USP25: variants seen among roughly 807,000 people sequenced by gnomAD.
USP25 encodes ubiquitin specific peptidase 25, also known as ubiquitin carboxyl-terminal hydrolase 25.
A neutral mutation model predicts 158.5 loss-of-function variants in USP25; 85 were observed. That is an observed-to-expected ratio of 0.54 (90% CI 0.45 to 0.64). USP25 has a LOEUF of 0.64. USP25 is among the 30% of genes least tolerant of loss of function. USP25 has a pLI of 0.00. For missense variants in USP25, 1,242 were observed against 1,327.3 expected (o/e 0.94, Z 1.00); for synonymous variants, 464 against 460.4 (o/e 1.01, Z -0.10).
chr21:15,825,121 G>T, intron 12 of USP25, 60 bp downstream of exon 12: 1 of 1,278,022 alleles, frequency 7.8e-7, no homozygotes, highest in Non-Finnish European at 1.1e-6. Context: ...TTGGTGACTA[G>T]ATTTTTAATT....
At chr21:15,775,730 A>C (rs2034601180) in intron 3 of USP25, among the ~76,000 whole-genome samples, 5 of 102,610 alleles carry the variant, frequency 4.9e-5, no homozygotes, top group South Asian at 4.2e-4. Flanking sequence ...CAACAGGATA[A>C]TGGTTGCCAC....
intron 9 of USP25, among the ~76,000 whole-genome samples, chr21:15,812,038 T>G (rs2036686445): frequency 6.6e-6 from 1 of 152,074 alleles, no homozygotes; most frequent in African/African-American, 2.4e-5. Flanking sequence ...ATGTTGGCCC[T>G]TTAAAAAGTC....
chr21:15,808,619 T>A (rs73185434), intron 7 of USP25, among the ~76,000 whole-genome samples, 190 bp from the exon 8 acceptor site: 1,843 of 152,196 alleles, frequency 0.012, 13 homozygotes, highest in Non-Finnish European at 0.019. Flanking sequence ...AATGCTTGTT[T>A]TTTCAAATAT....
Position 15,775,694 on chromosome 21 carries a change from A to T in USP25, c.269-2210A>T, listed in dbSNP as rs575113024. 1.0e-4 allele frequency among the ~76,000 whole-genome samples: 15 copies of T among 149,602 alleles called. No individual in the cohort carries two copies. In the South Asian group the frequency reaches 2.3e-3, roughly 23 times the overall value. ...CTGTGGAACAACTTAAATCTTTTCA[A>T]TCAAGCTAGAGAAAACAGCCAAAGG... On this transcript the variant is annotated intron_variant, in intron 3 of 25. Transcript: ENST00000400183.
At chr21:15,795,744 G>A (rs1465358974) in intron 5 of USP25, among the ~76,000 whole-genome samples, 2 of 151,548 alleles carry the variant, frequency 1.3e-5, no homozygotes, top group Non-Finnish European at 3.0e-5. Flanking sequence ...CCACAGAGGG[G>A]AGGCAATTGT....
chr21:15,805,343 A>G (rs2036328823), intron 7 of USP25, 85 bp downstream of exon 7: 11 of 1,258,246 alleles, frequency 8.7e-6, no homozygotes, highest in South Asian at 5.1e-5. Flanking sequence ...ATATGAGACT[A>G]TTTGAGATGC....
intron 20 of USP25, among the ~76,000 whole-genome samples, chr21:15,850,820 A>G (rs993734133): frequency 6.6e-6 from 1 of 151,984 alleles, no homozygotes; most frequent in Non-Finnish European, 1.5e-5. Flanking sequence ...GTTTGCTAAG[A>G]TTAGGGTGAC....
In USP25 at chr21:15,827,011, C is replaced by T. The variant is rs540855771; in HGVS notation, c.1501C>T (p.Leu501=). The change falls in exon 14 of 26, where the codon CTG becomes TTG. Residue 501 remains leucine, a synonymous_variant. Transcript: ENST00000400183. ...TEQQGALSSE[L]PSTSPSSVAA... ...ACAACAGGGAGCCCTATCTTCAGAA[C>T]TGCCAAGCACATCACCTTCATCAGT... 3.1e-6 allele frequency: 5 copies of T among 1,614,098 alleles called. No homozygotes were observed. The South Asian group carries it at 5.5e-5, about 18-fold the overall frequency.
intron 7 of USP25, among the ~76,000 whole-genome samples, chr21:15,808,366 AG>A (rs80233623): frequency 0.095 from 14,531 of 152,216 alleles, 704 homozygotes; most frequent in African/African-American, 0.1. Context: ...AATTAAGAAA[AG>A]TGAATTGTGG....
chr21:15,857,729 T>G (rs1235305571), intron 20 of USP25, among the ~76,000 whole-genome samples: 1 of 152,096 alleles, frequency 6.6e-6, no homozygotes, highest in African/African-American at 2.4e-5. Context: ...TTAGATCTTA[T>G]AAAATACAGC....
At chr21:15,864,031 C>CT (rs369749565) in intron 20 of USP25, among the ~76,000 whole-genome samples, 3,891 of 85,624 alleles carry the variant, frequency 0.045, 78 homozygotes, top group Middle Eastern at 0.068. Context: ...TGGGAGACTT[C>CT]TTTTTTTTTT....
At chr21:15,751,860 TTA>T (rs1568759110) in intron 1 of USP25, among the ~76,000 whole-genome samples, 1 of 152,238 alleles carries the variant, frequency 6.6e-6, no homozygotes, top group African/African-American at 2.4e-5. Context: ...AGAAATACAT[TTA>T]GAGTTTCTAC....
intron 3 of USP25, among the ~76,000 whole-genome samples, chr21:15,775,530 A>G (rs906446155): frequency 2.0e-5 from 3 of 152,142 alleles, no homozygotes; most frequent in Admixed American, 1.3e-4. Flanking sequence ...ACATACTTCT[A>G]TAGCTGCAGC....
intron 24 of USP25, chr21:15,876,746 A>G (rs578199557): frequency 6.6e-6 from 1 of 152,344 alleles, no homozygotes; most frequent in South Asian, 2.1e-4. Context: ...GCCTAACCAT[A>G]TCAATTGGGT....
At chr21:15,803,120 C>T (rs1939060910) in intron 6 of USP25, among the ~76,000 whole-genome samples, 1 of 151,536 alleles carries the variant, frequency 6.6e-6, no homozygotes, top group Non-Finnish European at 1.5e-5. Context: ...GGAACTGGAA[C>T]CTGTCCACCA....
Position 15,842,504 on chromosome 21 carries a change from G to A in USP25, c.2301G>A (p.Glu767=), listed in dbSNP as rs2038385976. The change falls in exon 18 of 26, where the codon GAG becomes GAA. Residue 767 remains glutamate, a synonymous_variant. Coordinates refer to ENST00000400183, the MANE Select transcript of USP25 (RefSeq NM_001283041.3). ...TIQIITKASH[E]HEDKSPETVL... ...AAATAATTACCAAGGCATCACATGA[G>A]CATGAAGATAAAAGTCCTGAAACAG... 1 of 1,613,682 alleles carries A rather than the reference G, an allele frequency of 6.2e-7. No homozygotes were observed. The highest frequency in any genetic ancestry group is 8.5e-7 in the Non-Finnish European group (1 of 1,179,698).
Position 15,760,708 on chromosome 21 carries a change from A to G in USP25, c.46-2183A>G, listed in dbSNP as rs192198909. On this transcript the variant is annotated intron_variant, in intron 1 of 25. Coordinates refer to ENST00000400183, the MANE Select transcript of USP25 (RefSeq NM_001283041.3). ...GAACATTTTAAAACTTTTTATTTTG[A>G]AATTTCAAATTTAAAGTTGCAAGAC... Among the ~76,000 whole-genome samples, 658 of 152,310 alleles carry G rather than the reference A, an allele frequency of 4.3e-3. 1 individual carries two copies. Among genetic ancestry groups the G allele is most frequent in the Non-Finnish European group, 5.9e-3 (403 of 68,024 alleles).
At chr21:15,783,351 T>G (rs1204020041) in intron 4 of USP25, among the ~76,000 whole-genome samples, 2 of 152,152 alleles carry the variant, frequency 1.3e-5, no homozygotes, top group African/African-American at 4.8e-5. Context: ...GTTAAATAGA[T>G]TGCCTGTGTC....
intron 20 of USP25, among the ~76,000 whole-genome samples, chr21:15,858,998 T>C (rs1258703288): frequency 1.3e-5 from 2 of 151,660 alleles, no homozygotes; most frequent in Non-Finnish European, 2.9e-5. Flanking sequence ...TTTTGTTATC[T>C]CATATATTTT....
Sources: allele counts gnomAD v4.1 joint callset (sites outside exome capture counted in the v4.1 genomes callset), GRCh38; gene constraint gnomAD v4.1.1; transcripts MANE v1.5; gene names NCBI Gene and HGNC (gene_info 2026-07-23, HGNC 2026-07-21).